Variants in PDGFC observed in about 807,000 individuals in gnomAD.
PDGFC encodes the protein platelet-derived growth factor C.
In PDGFC, 12 loss-of-function variants were observed where a neutral mutation model predicts 35.5. The observed-to-expected ratio is 0.34, with a 90% CI of 0.22 to 0.55. PDGFC has a LOEUF of 0.55. PDGFC is among the 20% of genes least tolerant of loss of function. The pLI, the probability that PDGFC is intolerant of heterozygous loss-of-function variation, is 0.91. For missense variants in PDGFC, 322 were observed against 412.4 expected (o/e 0.78, Z 1.90); for synonymous variants, 159 against 148.8 (o/e 1.07, Z -0.50).
rs77799249 is a variant in PDGFC at position 156,860,561 on chromosome 4, C to T, written c.119-10145G>A. Reference sequence around the variant, plus strand: ...ATGAACAAACACCTGACACGGGGCGCGGAGGAGAAAACTAATTGGGAAAAA... The same window carrying T: ...ATGAACAAACACCTGACACGGGGCGTGGAGGAGAAAACTAATTGGGAAAAA... On this transcript the variant is annotated intron_variant, in intron 1 of 5. Coordinates refer to ENST00000502773, the MANE Select transcript of PDGFC (RefSeq NM_016205.3). 1.0e-3 allele frequency among the ~76,000 whole-genome samples: 156 copies of T among 151,674 alleles called. 4 individuals are homozygous for T. The East Asian group carries it at 0.025, about 25-fold the overall frequency.
chr4:156,951,330 A>T (rs1732075621), intron 1 of PDGFC, among the ~76,000 whole-genome samples: 1 of 151,892 alleles, frequency 6.6e-6, no homozygotes, highest in Admixed American at 6.6e-5. Context: ...AATAGTTTAA[A>T]GAAAATTCAT....
At chr4:156,930,899 A>T (rs1256814562) in intron 1 of PDGFC, among the ~76,000 whole-genome samples, 3 of 152,188 alleles carry the variant, frequency 2.0e-5, no homozygotes, top group African/African-American at 7.2e-5. Context: ...AAAAGAATTT[A>T]GGTTTAAAAT....
At chr4:156,807,227 A>G (rs945806485) in intron 3 of PDGFC, among the ~76,000 whole-genome samples, 1 of 152,064 alleles carries the variant, frequency 6.6e-6, no homozygotes. Flanking sequence ...TTTTAAAATT[A>G]TGTAGCAATT....
At chr4:156,814,505 G>T (rs746314739) in intron 2 of PDGFC, among the ~76,000 whole-genome samples, 15 of 152,064 alleles carry the variant, frequency 9.9e-5, no homozygotes, top group Non-Finnish European at 1.6e-4. Flanking sequence ...ATTTGGCCAG[G>T]ATGAAGTCAT....
At chr4:156,922,774 A>C (rs1405155772) in intron 1 of PDGFC, among the ~76,000 whole-genome samples, 1 of 152,174 alleles carries the variant, frequency 6.6e-6, no homozygotes, top group East Asian at 1.9e-4. Context: ...GCCAGTGAAG[A>C]GATCGAGGAA....
chr4:156,848,772 G>A (rs1729385227), intron 2 of PDGFC, among the ~76,000 whole-genome samples: 1 of 151,842 alleles, frequency 6.6e-6, no homozygotes, highest in South Asian at 2.1e-4. Flanking sequence ...CAAAATTTAG[G>A]ACAATGATTA....
chr4:156,937,106 T>C (rs1340177686), intron 1 of PDGFC, among the ~76,000 whole-genome samples: 2 of 152,058 alleles, frequency 1.3e-5, no homozygotes, highest in Non-Finnish European at 2.9e-5. Context: ...AAGCAAGGTG[T>C]GTGCTGAAAA....
At chr4:156,960,528 T>G (rs1732319026) in intron 1 of PDGFC, among the ~76,000 whole-genome samples, 1 of 151,470 alleles carries the variant, frequency 6.6e-6, no homozygotes, top group South Asian at 2.1e-4. Context: ...AATAGTGAAC[T>G]TTTGTTTAGA....
intron 1 of PDGFC, among the ~76,000 whole-genome samples, chr4:156,858,354 T>A (rs983109532): frequency 1.3e-5 from 2 of 152,194 alleles, no homozygotes; most frequent in East Asian, 3.9e-4. Context: ...AAATAAGCAA[T>A]AATCTTCTTA....
chr4:156,944,490 T>A (rs1462165200), intron 1 of PDGFC, among the ~76,000 whole-genome samples: 3 of 152,136 alleles, frequency 2.0e-5, no homozygotes. Context: ...ATAAAATCCA[T>A]CACCAATGTG....
intron 3 of PDGFC, among the ~76,000 whole-genome samples, chr4:156,798,901 C>G (rs1283145806): frequency 6.6e-6 from 1 of 152,156 alleles, no homozygotes; most frequent in Non-Finnish European, 1.5e-5. Flanking sequence ...TCCTCTTTAG[C>G]AATGCTACAC....
rs570760434 is a variant in PDGFC, at chr4:156,899,818, A to AAGATT, written c.119-49403_119-49402insAATCT. Among the ~76,000 whole-genome samples the AAGATT allele has an allele frequency of 3.5e-3, 532 of 152,326 alleles. 4 individuals are homozygous for AAGATT. Among genetic ancestry groups the AAGATT allele is most frequent in the African/African-American group, 0.012 (502 of 41,580 alleles). On this transcript the variant is annotated intron_variant, in intron 1 of 5. Transcript: ENST00000502773. Reference sequence around the variant, plus strand: ...TGACAGAGTGAGACTCCATCTCAAAAAATTAATTCATTAAAATTATTTTTC... The same window carrying AAGATT: ...TGACAGAGTGAGACTCCATCTCAAAAAGATTAATTAATTCATTAAAATTATTTTTC...
intron 1 of PDGFC, 146 bp from the exon 2 acceptor site, chr4:156,850,562 C>T (rs1393542979): frequency 1.4e-5 from 6 of 428,274 alleles, no homozygotes; most frequent in African/African-American, 1.2e-4. Context: ...CTTTCCAGAA[C>T]TGATCCAGAA....
At chr4:156,777,818 C>G (rs1384771948) in intron 3 of PDGFC, among the ~76,000 whole-genome samples, 3 of 152,098 alleles carry the variant, frequency 2.0e-5, no homozygotes, top group Non-Finnish European at 4.4e-5. Flanking sequence ...CCTGTAAGGG[C>G]TCACACAGGT....
intron 1 of PDGFC, among the ~76,000 whole-genome samples, chr4:156,937,875 T>A (rs1731720430): frequency 6.6e-6 from 1 of 152,114 alleles, no homozygotes. Context: ...AAAAAAAAAT[T>A]ACCTTAAGAT....
chr4:156,935,696 C>T (rs1731663434), intron 1 of PDGFC, among the ~76,000 whole-genome samples: 1 of 152,158 alleles, frequency 6.6e-6, no homozygotes, highest in African/African-American at 2.4e-5. Flanking sequence ...TATTGATCAG[C>T]TGACGAATAT....
intron 1 of PDGFC, among the ~76,000 whole-genome samples, chr4:156,924,916 C>T (rs955747491): frequency 6.6e-6 from 1 of 152,138 alleles, no homozygotes; most frequent in East Asian, 1.9e-4. Context: ...CAGGAAGAGA[C>T]AGGATGCAGG....
At chr4:156,907,126 C>T (rs1006538101) in intron 1 of PDGFC, among the ~76,000 whole-genome samples, 10 of 152,200 alleles carry the variant, frequency 6.6e-5, no homozygotes, top group Middle Eastern at 3.4e-3. Context: ...TATACCACCA[C>T]CATGACTTAA....
rs1246476736 is a variant in PDGFC at position 156,842,412 on chromosome 4, T to C, written c.314+7809A>G. 3.2e-4 allele frequency among the ~76,000 whole-genome samples: 49 copies of C among 151,526 alleles called. 2 individuals are homozygous for C. Among genetic ancestry groups the C allele is most frequent in the Admixed American group, 3.2e-3 (48 of 15,208 alleles). On this transcript the variant is annotated intron_variant, in intron 2 of 5. Coordinates refer to ENST00000502773, the MANE Select transcript of PDGFC (RefSeq NM_016205.3). ...GCCAAGCTCTAAGTCTGAGAAAATATATACCTCTAAAGTTTTGTGTTTGAG... is the reference window on the plus strand; with the variant it reads ...GCCAAGCTCTAAGTCTGAGAAAATACATACCTCTAAAGTTTTGTGTTTGAG...
Sources: gnomAD v4.1 joint callset for allele counts (sites outside exome capture counted in the v4.1 genomes callset) on GRCh38, gnomAD v4.1.1 for gene constraint, MANE v1.5 for transcripts, NCBI Gene and HGNC (gene_info 2026-07-23, HGNC 2026-07-21) for gene names.